Variants in DCAF6 observed in about 807,000 individuals in gnomAD.
DCAF6 encodes DDB1- and CUL4-associated factor 6.
DCAF6 carries 54 observed loss-of-function variants against 125.1 expected under a neutral mutation model. The observed-to-expected ratio is 0.43, with a 90% CI of 0.35 to 0.54. The LOEUF is 0.54. DCAF6 is among the 20% of genes least tolerant of loss of function. The pLI is 0.01. For synonymous variants in DCAF6, 371 were observed against 390.4 expected (o/e 0.95, Z 0.58); for missense variants, 934 against 1,161.7 (o/e 0.80, Z 2.85).
chr1:167,908,856 C>T, the DCAF6 span, among the ~76,000 whole-genome samples: 6 of 152,240 alleles, frequency 3.9e-5, no homozygotes, highest in South Asian at 8.3e-4. Flanking sequence ...TGCATAAGCA[C>T]GAGGTGCTAA....
At chr1:167,893,222 T>G in the DCAF6 span, among the ~76,000 whole-genome samples, 1 of 152,200 alleles carries the variant, frequency 6.6e-6, no homozygotes, top group South Asian at 2.1e-4. Flanking sequence ...TTCATCCACT[T>G]GAAGTCTTTC....
chr1:168,009,123 C>T (rs1426715113), intron 10 of DCAF6, among the ~76,000 whole-genome samples: 1 of 151,174 alleles, frequency 6.6e-6, no homozygotes, highest in Non-Finnish European at 1.5e-5. Flanking sequence ...CTCAGCCTCC[C>T]AAGTAGCTGG....
the DCAF6 span, among the ~76,000 whole-genome samples, chr1:167,918,987 C>T: frequency 1.3e-5 from 2 of 152,084 alleles, no homozygotes; most frequent in Non-Finnish European, 1.5e-5. Context: ...TCTACAAGAA[C>T]GTGACAAACT....
At chr1:167,930,225 A>C in the DCAF6 span, among the ~76,000 whole-genome samples, 1 of 152,228 alleles carries the variant, frequency 6.6e-6, no homozygotes, top group Non-Finnish European at 1.5e-5. Flanking sequence ...ATGTTGACTG[A>C]AAATACACTT....
At chr1:168,039,526 A>G (rs989681853) in intron 13 of DCAF6, among the ~76,000 whole-genome samples, 1 of 150,060 alleles carries the variant, frequency 6.7e-6, no homozygotes, top group African/African-American at 2.4e-5. Flanking sequence ...GAGAGCATAC[A>G]AAATTTTTAA....
chr1:167,988,116 A>G (rs992211635), intron 5 of DCAF6, among the ~76,000 whole-genome samples: 4 of 152,070 alleles, frequency 2.6e-5, no homozygotes, highest in Non-Finnish European at 5.9e-5. Flanking sequence ...TCCTAAAGAT[A>G]ATATCTCTAC....
At chr1:167,864,009 C>T in the DCAF6 span, among the ~76,000 whole-genome samples, 1 of 152,214 alleles carries the variant, frequency 6.6e-6, no homozygotes, top group African/African-American at 2.4e-5. Flanking sequence ...TGAGTGGAAG[C>T]ATGGCCTGAT....
the DCAF6 span, among the ~76,000 whole-genome samples, chr1:167,886,382 GA>G: frequency 6.6e-6 from 1 of 152,076 alleles, no homozygotes; most frequent in African/African-American, 2.4e-5. Flanking sequence ...AGATCCCTCA[GA>G]AATAATACCA....
chr1:168,063,959 A>G, intron 18 of DCAF6, 200 bp downstream of exon 18: 1 of 447,826 alleles, frequency 2.2e-6, no homozygotes, highest in Non-Finnish European at 3.7e-6. Flanking sequence ...AGAAAACTCT[A>G]CTAAAAAAAT....
At chr1:167,929,821 G>GGT in the DCAF6 span, among the ~76,000 whole-genome samples, 1 of 152,052 alleles carries the variant, frequency 6.6e-6, no homozygotes. Context: ...ATATCCCTCT[G>GGT]TGAAAAATAA....
chr1:168,036,884 G>A (rs986245781), intron 12 of DCAF6, among the ~76,000 whole-genome samples: 1 of 152,090 alleles, frequency 6.6e-6, no homozygotes, highest in Non-Finnish European at 1.5e-5. Context: ...TTACCATTTG[G>A]GATGTCAGGT....
intron 12 of DCAF6, 177 bp downstream of exon 12, chr1:168,023,224 C>T: frequency 1.6e-6 from 1 of 642,236 alleles, no homozygotes; most frequent in Non-Finnish European, 2.7e-6. Context: ...TTGGCCTATA[C>T]AGATTATTTT....
Position 168,045,193 on chromosome 1 carries a change from C to T in DCAF6, c.2224C>T (p.Pro742Ser), listed in dbSNP as rs375656740. The change falls in exon 16 of 22, where the codon CCA becomes TCA. Residue 742 changes from proline to serine, a missense_variant. Transcript: ENST00000367840. The part of the protein sequence containing the change: ...DDSDDDPVLI[P>S]GARYRAGPGD... ...CAGTGATGATGACCCAGTCCTGATC[C>T]CAGGTGCAAGGTATCGAGCAGGACC... 8 of 1,613,126 alleles carry T rather than the reference C, an allele frequency of 5.0e-6. No homozygotes were observed. The highest frequency in any genetic ancestry group is 5.9e-6 in the Non-Finnish European group (7 of 1,179,712).
intron 1 of DCAF6, among the ~76,000 whole-genome samples, chr1:167,937,547 C>G (rs866749927): frequency 6.6e-6 from 1 of 151,998 alleles, no homozygotes; most frequent in Admixed American, 6.6e-5. Context: ...TAGCTGAGCT[C>G]TCCCCACCCC....
intron 17 of DCAF6, among the ~76,000 whole-genome samples, 157 bp downstream of exon 17, chr1:168,051,090 A>G (rs779352599): frequency 6.6e-6 from 1 of 152,218 alleles, no homozygotes; most frequent in Admixed American, 6.5e-5. Flanking sequence ...GCTTTCCACA[A>G]ACTATATTTA....
chr1:167,918,920 A>G, the DCAF6 span, among the ~76,000 whole-genome samples: 1 of 152,116 alleles, frequency 6.6e-6, no homozygotes, highest in Non-Finnish European at 1.5e-5. Context: ...AGCTTAGCTG[A>G]CATATAGTTT....
intron 6 of DCAF6, among the ~76,000 whole-genome samples, chr1:167,992,533 G>A (rs921750175): frequency 6.6e-6 from 1 of 152,172 alleles, no homozygotes; most frequent in African/African-American, 2.4e-5. Context: ...AATATAATAT[G>A]AAATAATAGG....
In DCAF6 at chr1:168,042,878, G is replaced by A. The variant is rs1014363383; in HGVS notation, c.1728-147G>A. ...ATAGTCATCTTGATTTGTTTGAAAT[G>A]ATGTTTACAAATGCTATTAAAATTA... On this transcript the variant is annotated intron_variant, in intron 13 of 21. Transcript: ENST00000367840. The A allele has an allele frequency of 7.3e-6, 4 of 550,740 alleles. No individual in the cohort carries two copies. The African/African-American group carries it at 7.6e-5, about 10-fold the overall frequency. The allele number at this position is 550,740 out of a possible 1,614,324, so 34.1% of individuals were successfully genotyped here.
intron 10 of DCAF6, among the ~76,000 whole-genome samples, chr1:168,012,992 TTGA>T (rs1684504523): frequency 6.6e-6 from 1 of 152,142 alleles, no homozygotes; most frequent in Admixed American, 6.6e-5. Flanking sequence ...TCCAATGAAA[TTGA>T]TGGTATTTTT....
Sources: gnomAD v4.1 joint callset for allele counts (sites outside exome capture counted in the v4.1 genomes callset) on GRCh38, gnomAD v4.1.1 for gene constraint, MANE v1.5 for transcripts, NCBI Gene and HGNC (gene_info 2026-07-23, HGNC 2026-07-21) for gene names.